VPS13D: variants seen among roughly 807,000 people sequenced by gnomAD.
VPS13D encodes the protein intermembrane lipid transfer protein VPS13D.
Under a neutral mutation model 461.9 loss-of-function variants are expected in VPS13D, and 187 were observed. The ratio of observed to expected loss-of-function variants is 0.40; its 90% CI spans 0.36 to 0.46. The LOEUF (loss-of-function observed/expected upper bound fraction) is 0.46, where lower values mean the gene tolerates loss of function less well. VPS13D is among the 20% of genes least tolerant of loss of function. The pLI is 0.60. For missense variants in VPS13D, 4,711 were observed against 5,364.9 expected, an observed-to-expected ratio of 0.88 and a Z score of 3.81; for synonymous variants, 1,951 against 1,986.3, an observed-to-expected ratio of 0.98 and a Z score of 0.47.
Position 12,321,905 on chromosome 1 carries a change from C to T in VPS13D, c.7645C>T (p.Gln2549Ter). ...GGAGTTGGTGGGGAATTCTTCTTAT[C>T]AAAATAGTTCAGGATTGATGGATGC... ...QMELVGNSSY[Q>*]NSSGLMDAFN... The change falls in exon 33 of 70, where the codon CAA becomes TAA. Residue 2549 changes from glutamine to a stop codon, truncating the protein, a stop_gained. Coordinates refer to ENST00000620676, the MANE Select transcript of VPS13D (RefSeq NM_015378.4). LOFTEE classifies it high-confidence loss of function. 6.2e-7 allele frequency: 1 copy of T among 1,613,678 alleles called. No homozygotes were observed. The highest frequency in any genetic ancestry group is 8.5e-7 in the Non-Finnish European group (1 of 1,179,884).
At chr1:12,363,681 G>T (rs148236542) in intron 52 of VPS13D, among the ~76,000 whole-genome samples, 2 of 152,068 alleles carry the variant, frequency 1.3e-5, no homozygotes, top group Non-Finnish European at 2.9e-5. Flanking sequence ...CAGGCCGGGC[G>T]CAGTGGCTCA....
In VPS13D at chr1:12,293,664, A is replaced by G; in HGVS notation, c.5993A>G (p.Asp1998Gly). The G allele has an allele frequency of 6.2e-7, 1 of 1,614,010 alleles. No homozygotes were observed. Among genetic ancestry groups the G allele is most frequent in the Non-Finnish European group, 8.5e-7 (1 of 1,179,976 alleles). The change falls in exon 24 of 70, where the codon GAT becomes GGT. Residue 1998 changes from aspartate to glycine, a missense_variant. Asp to Gly is a moderately conservative substitution (Grantham distance 94). This residue lies in a region of VPS13D where 4,411 missense variants were observed against 4,937.8 expected (regional missense o/e 0.89). Transcript: ENST00000620676. The part of the protein sequence containing the change: ...AFIQHFTQLQ[D>G]VLGRQRAAIE... Reference sequence around the variant, plus strand: ...ATTCAGCATTTCACTCAGCTGCAGGATGTCTTAGGGCGCCAGCGAGCTGCT... The same window carrying G: ...ATTCAGCATTTCACTCAGCTGCAGGGTGTCTTAGGGCGCCAGCGAGCTGCT...
At position 12,279,344 on chromosome 1, in the gene VPS13D, T is replaced by G. The variant is rs1641709954; in HGVS notation, c.4451-155T>G. Among the ~76,000 whole-genome samples, 1 of 152,184 alleles carries G rather than the reference T, an allele frequency of 6.6e-6. No individual in the cohort carries two copies. Among genetic ancestry groups the G allele is most frequent in the Admixed American group, 6.5e-5 (1 of 15,276 alleles). On this transcript the variant is annotated intron_variant, in intron 19 of 69. Coordinates refer to ENST00000620676, the MANE Select transcript of VPS13D (RefSeq NM_015378.4). This position sits in a 1 kb window ranked among gnomAD's most constrained non-coding sequence, Gnocchi z 4.3. ...TTTGGCCTCAGGATAGCTGTCAAGG[T>G]TTGCTCTCAATCATAGACCCCGGGT...
intron 46 of VPS13D, among the ~76,000 whole-genome samples, chr1:12,350,956 G>A (rs1288196929): frequency 6.6e-6 from 1 of 152,132 alleles, no homozygotes; most frequent in Non-Finnish European, 1.5e-5. Flanking sequence ...CACCTTTCTT[G>A]AAAAACACAA....
intron 63 of VPS13D, among the ~76,000 whole-genome samples, chr1:12,410,081 G>A (rs2101698341): frequency 6.6e-6 from 1 of 152,322 alleles, no homozygotes; most frequent in Non-Finnish European, 1.5e-5. Context: ...AAGAGAGCTG[G>A]TAATTGAAGG....
At chr1:12,348,739 A>G (rs1042599471) in intron 44 of VPS13D, 84 bp from the exon 45 acceptor site, 3 of 1,510,332 alleles carry the variant, frequency 2.0e-6, no homozygotes, top group African/African-American at 2.8e-5. Context: ...AGACACTTTT[A>G]AGGTAGACAT....
At chr1:12,416,180 G>A (rs1644791719) in intron 64 of VPS13D, among the ~76,000 whole-genome samples, 1 of 152,144 alleles carries the variant, frequency 6.6e-6, no homozygotes, top group East Asian at 1.9e-4. Context: ...CCCTGCTTCA[G>A]AGAAAGAAAC....
intron 67 of VPS13D, among the ~76,000 whole-genome samples, chr1:12,469,369 A>G (rs1645534001): frequency 6.6e-6 from 1 of 152,242 alleles, no homozygotes; most frequent in Non-Finnish European, 1.5e-5. Context: ...ACAATGTATG[A>G]TATTGTAACA....
intron 2 of VPS13D, among the ~76,000 whole-genome samples, chr1:12,237,704 G>T (rs1358307154): frequency 6.6e-6 from 1 of 151,876 alleles, no homozygotes; most frequent in Non-Finnish European, 1.5e-5. Context: ...GTGCACGCCT[G>T]TGGTTCCAGC....
chr1:12,335,843 A>C lies in VPS13D; in HGVS notation c.8551+16A>C. The C allele has an allele frequency of 6.2e-7, 1 of 1,613,962 alleles. No individual in the cohort carries two copies. On this transcript the variant is annotated intron_variant, in intron 39 of 69. Coordinates refer to ENST00000620676, the MANE Select transcript of VPS13D (RefSeq NM_015378.4). The stretch of plus-strand genomic sequence containing the variant: ...TTTGGACAAAGTAAGAGTTTTCACT[A>C]CATGTGTTTAACTAAATCACTTTTG...
chr1:12,310,931 C>G (rs572400547), intron 27 of VPS13D, among the ~76,000 whole-genome samples: 10 of 150,900 alleles, frequency 6.6e-5, no homozygotes, highest in Non-Finnish European at 1.2e-4. Flanking sequence ...CTCCCTCTCT[C>G]CCTCCCACAG....
At chr1:12,361,488 C>T (rs1286324440) in intron 50 of VPS13D, among the ~76,000 whole-genome samples, 6 of 149,340 alleles carry the variant, frequency 4.0e-5, no homozygotes, top group Middle Eastern at 3.2e-3. Flanking sequence ...CTCCGCCTCC[C>T]GGGTCCACGC....
chr1:12,438,181 C>T (rs1645085293), intron 65 of VPS13D, among the ~76,000 whole-genome samples: 1 of 152,020 alleles, frequency 6.6e-6, no homozygotes, highest in South Asian at 2.1e-4. Flanking sequence ...CTGAATGTGT[C>T]CCCCCAGAAT....
intron 27 of VPS13D, among the ~76,000 whole-genome samples, chr1:12,310,086 A>G (rs182505539): frequency 6.6e-6 from 1 of 151,908 alleles, no homozygotes; most frequent in Admixed American, 6.6e-5. Context: ...TTTTCAAGCA[A>G]TGCTTTCCAA....
intron 5 of VPS13D, among the ~76,000 whole-genome samples, chr1:12,248,658 T>C (rs1401776960): frequency 6.6e-6 from 1 of 152,264 alleles, no homozygotes; most frequent in East Asian, 1.9e-4. Context: ...TATTATTTTT[T>C]AATTCATTGA....
intron 2 of VPS13D, among the ~76,000 whole-genome samples, chr1:12,235,455 A>G (rs1261426217): frequency 6.6e-6 from 1 of 152,130 alleles, no homozygotes; most frequent in Non-Finnish European, 1.5e-5. Context: ...GGGTGCCTGT[A>G]ATCCCACTAC....
intron 60 of VPS13D, among the ~76,000 whole-genome samples, chr1:12,392,169 G>T (rs1270012249): frequency 6.6e-6 from 1 of 151,980 alleles, no homozygotes; most frequent in African/African-American, 2.4e-5. Flanking sequence ...ACCCAAAAAT[G>T]TTATTTTTCT....
chr1:12,304,489 ATT>A lies in VPS13D; in HGVS notation c.6217-14_6217-13del. On this transcript the variant is annotated splice_polypyrimidine_tract_variant and intron_variant, in intron 25 of 69. Coordinates refer to ENST00000620676, the MANE Select transcript of VPS13D (RefSeq NM_015378.4). ...TTCCCATTTCCTGCATTCTAGTTTT[ATT>A]TTGTTCCTTCCCAGGAATCTGTGCC... is the stretch of plus-strand genomic sequence containing the variant. The A allele has an allele frequency of 6.2e-7, 1 of 1,602,382 alleles. No individual in the cohort carries two copies. The highest frequency in any genetic ancestry group is 8.5e-7 in the Non-Finnish European group (1 of 1,174,142).
rs1204383278 is a variant in VPS13D, at chr1:12,310,769, C to CTCCT, written c.6651-661_6651-658dup. On this transcript the variant is annotated intron_variant, in intron 27 of 69. Coordinates refer to ENST00000620676, the MANE Select transcript of VPS13D (RefSeq NM_015378.4). ...AGGATTTCCCTCCCTCCATTTCTTGCTCCTTCCTTCCTTCCTTCCTTCCTT... is the reference window on the plus strand; with the variant it reads ...AGGATTTCCCTCCCTCCATTTCTTGCTCCTTCCTTCCTTCCTTCCTTCCTTCCTT... Among the ~76,000 whole-genome samples the CTCCT allele has an allele frequency of 9.7e-4, 142 of 146,416 alleles. 1 individual carries two copies. The highest frequency in any genetic ancestry group is 3.5e-3 in the East Asian group (17 of 4,926).
Sources: allele counts gnomAD v4.1 joint callset (sites outside exome capture counted in the v4.1 genomes callset), GRCh38; gene constraint gnomAD v4.1.1; regional missense constraint gnomAD v4.1.1; non-coding constraint Gnocchi (gnomAD v3.1); transcripts MANE v1.5; gene names NCBI Gene and HGNC (gene_info 2026-07-23, HGNC 2026-07-21).